The following RBM27 variants were observed in gnomAD, a reference collection of about 807,000 sequenced individuals.
The protein encoded by RBM27 is RNA binding motif protein 27.
A neutral mutation model predicts 135.3 loss-of-function variants in RBM27; 22 were observed. That is an observed-to-expected ratio of 0.16 (90% CI 0.12 to 0.23). The LOEUF is 0.23. Ranked by LOEUF, RBM27 falls within the 10% of genes least tolerant of loss-of-function variation. The pLI is 1.00. For synonymous variants in RBM27, 481 were observed against 442.4 expected, an observed-to-expected ratio of 1.09 and a Z score of -1.10; for missense variants, 1,009 against 1,281.0, an observed-to-expected ratio of 0.79 and a Z score of 3.24.
chr5:146,213,670 A>C (rs1248784105), intron 1 of RBM27, among the ~76,000 whole-genome samples: 5 of 152,118 alleles, frequency 3.3e-5, no homozygotes, highest in South Asian at 4.1e-4. Flanking sequence ...AAGGTGTAGG[A>C]CCTTACTCTT....
intron 1 of RBM27, among the ~76,000 whole-genome samples, chr5:146,206,568 A>G (rs1260981401): frequency 6.7e-6 from 1 of 150,126 alleles, no homozygotes; most frequent in African/African-American, 2.4e-5. Context: ...AAAGGCTAAA[A>G]TACTTTATTT....
chr5:146,242,164 G>T (rs1457653997), intron 8 of RBM27, among the ~76,000 whole-genome samples: 1 of 152,150 alleles, frequency 6.6e-6, no homozygotes, highest in African/African-American at 2.4e-5. Context: ...ACCCAGGCTG[G>T]GTGCTCAAGC....
At chr5:146,250,543 C>T (rs1454902890) in intron 8 of RBM27, among the ~76,000 whole-genome samples, 1 of 151,626 alleles carries the variant, frequency 6.6e-6, no homozygotes, top group Non-Finnish European at 1.5e-5. Context: ...ATGGGGTTGT[C>T]GGTGAAAAAG....
chr5:146,263,959 T>G (rs1013894973), intron 14 of RBM27, among the ~76,000 whole-genome samples: 2 of 150,422 alleles, frequency 1.3e-5, no homozygotes, highest in African/African-American at 2.4e-5. Flanking sequence ...ACAAAAAAAT[T>G]AGCTGGGCGT....
chr5:146,211,364 GA>G (rs1755935996), intron 1 of RBM27, among the ~76,000 whole-genome samples: 1 of 146,360 alleles, frequency 6.8e-6, no homozygotes, highest in African/African-American at 2.5e-5. Context: ...GTTTTCATTT[GA>G]AAAAAAGTAG....
chr5:146,245,513 C>A (rs1315296771), intron 8 of RBM27, among the ~76,000 whole-genome samples: 1 of 152,180 alleles, frequency 6.6e-6, no homozygotes, highest in Non-Finnish European at 1.5e-5. Flanking sequence ...TATAAATTCA[C>A]ATAAATCTTT....
intron 1 of RBM27, among the ~76,000 whole-genome samples, chr5:146,208,496 A>G (rs1755800921): frequency 1.3e-5 from 2 of 151,752 alleles, no homozygotes; most frequent in South Asian, 4.2e-4. Context: ...GAGGGAAACC[A>G]ATATCTCAGT....
Position 146,237,451 on chromosome 5 carries a change from A to G in RBM27, c.1279+19A>G, listed in dbSNP as rs1757217866. On this transcript the variant is annotated intron_variant, in intron 8 of 20. Coordinates refer to ENST00000265271, the MANE Select transcript of RBM27 (RefSeq NM_018989.2). ...TCAGAACGTAAGTACATGTTGTTTG[A>G]CTTAAAATTGACAGGGTATAGAAAA... The G allele has an allele frequency of 6.2e-7, 1 of 1,613,142 alleles. No individual in the cohort carries two copies. Among genetic ancestry groups the G allele is most frequent in the Non-Finnish European group, 8.5e-7 (1 of 1,179,166 alleles).
At chr5:146,238,904 A>C (rs180819548) in intron 8 of RBM27, among the ~76,000 whole-genome samples, 14 of 152,318 alleles carry the variant, frequency 9.2e-5, no homozygotes, top group African/African-American at 3.1e-4. Context: ...TTAAAATGAG[A>C]ATAATATTAC....
chr5:146,271,408 A>C, intron 18 of RBM27, 75 bp from the exon 19 acceptor site: 1 of 1,398,732 alleles, frequency 7.1e-7, no homozygotes, highest in Non-Finnish European at 9.7e-7. Context: ...CTCAAAAAAA[A>C]AAAAAAAGTT....
chr5:146,237,217 T>C, intron 7 of RBM27, 81 bp from the exon 8 acceptor site: 1 of 1,536,168 alleles, frequency 6.5e-7, no homozygotes, highest in African/African-American at 1.4e-5. Context: ...GGATTACAGG[T>C]GTGAGCCACT....
chr5:146,222,786 G>A (rs192033286), intron 2 of RBM27, among the ~76,000 whole-genome samples: 137 of 152,308 alleles, frequency 9.0e-4, no homozygotes, highest in African/African-American at 3.1e-3. Context: ...GTTTCAAACA[G>A]AGCACCCTTT....
chr5:146,236,644 G>A (rs987531639), intron 7 of RBM27, among the ~76,000 whole-genome samples: 1 of 151,796 alleles, frequency 6.6e-6, no homozygotes, highest in Non-Finnish European at 1.5e-5. Flanking sequence ...TTTTTTTTAA[G>A]ATGAAGTCTT....
At chr5:146,205,704 G>T (rs1755611565) in intron 1 of RBM27, among the ~76,000 whole-genome samples, 1 of 152,104 alleles carries the variant, frequency 6.6e-6, no homozygotes, top group Non-Finnish European at 1.5e-5. Flanking sequence ...GTTGAAAAAA[G>T]AAAAATATCT....
At position 146,254,851 on chromosome 5, in the gene RBM27, GT is replaced by G. The variant is rs1438737249; in HGVS notation, c.1445-86del. 7.7e-6 allele frequency: 9 copies of G among 1,167,568 alleles called. No homozygotes were observed. In the Admixed American group the frequency reaches 2.2e-4, roughly 28 times the overall value. The allele number at this position is 1,167,568 out of a possible 1,614,324, so 72.3% of individuals were successfully genotyped here. A position where few individuals can be genotyped will look rare whatever the true frequency, so the allele number is the denominator to read the frequency against. On this transcript the variant is annotated intron_variant, in intron 9 of 20. Coordinates refer to ENST00000265271, the MANE Select transcript of RBM27 (RefSeq NM_018989.2). ...TTGATGTATTTGTTGGAGAATATAT[GT>G]TTTTTAAGCAGTTGTTTATTTTATA...
At chr5:146,265,194 A>G (rs115165055) in intron 14 of RBM27, among the ~76,000 whole-genome samples, 133 of 152,332 alleles carry the variant, frequency 8.7e-4, no homozygotes, top group Non-Finnish European at 1.5e-3. Flanking sequence ...GAAACAACCC[A>G]AATACCCATC....
chr5:146,203,877 CG>C, intron 1 of RBM27, 53 bp downstream of exon 1: 1 of 125,270 alleles, frequency 8.0e-6, no homozygotes, highest in Non-Finnish European at 1.5e-5. Flanking sequence ...TGGGGGCTCG[CG>C]GGGGCGTGGG....
In RBM27 at chr5:146,271,648, AAAG is replaced by A. The variant is rs745573819; in HGVS notation, c.2967_2969del (p.Glu989del). 4.3e-6 allele frequency: 7 copies of A among 1,613,450 alleles called. No homozygotes were observed. Among genetic ancestry groups the A allele is most frequent in the East Asian group, 4.5e-5 (2 of 44,892 alleles). On this transcript the variant is annotated inframe_deletion, in exon 19 of 21. Transcript: ENST00000265271. ...AGTTGGAGGATTCATTGAGGAAGAA[AAAG>A]AAGACTTGCTTCAGCATTTCTCAGT...
chr5:146,222,822 A>T (rs1304368214), intron 2 of RBM27, among the ~76,000 whole-genome samples: 1 of 152,222 alleles, frequency 6.6e-6, no homozygotes, highest in Non-Finnish European at 1.5e-5. Context: ...AGTTAGTTTC[A>T]TGTCATTTTC....
Sources: allele counts gnomAD v4.1 joint callset (sites outside exome capture counted in the v4.1 genomes callset), GRCh38; gene constraint gnomAD v4.1.1; transcripts MANE v1.5; gene names NCBI Gene and HGNC (gene_info 2026-07-23, HGNC 2026-07-21).